The following ST3GAL1 variants were observed in gnomAD, a reference collection of about 807,000 sequenced individuals.
ST3GAL1 encodes the protein CMP-N-acetylneuraminate-beta-galactosamide-alpha-2,3-sialyltransferase 1.
Under a neutral mutation model 34.1 loss-of-function variants are expected in ST3GAL1, and 16 were observed. The observed-to-expected ratio is 0.47, with a 90% CI of 0.32 to 0.71. The LOEUF (loss-of-function observed/expected upper bound fraction) is 0.71, where lower values mean the gene tolerates loss of function less well. Among genes scored for constraint, ST3GAL1 ranks in the 30% least tolerant of loss-of-function variants. The pLI is 0.04. For missense variants in ST3GAL1, 353 were observed against 447.4 expected (o/e 0.79, Z 1.90); for synonymous variants, 191 against 184.7 (o/e 1.03, Z -0.28).
intron 2 of ST3GAL1, among the ~76,000 whole-genome samples, chr8:133,518,333 A>T (rs1817704295): frequency 6.6e-6 from 1 of 152,204 alleles, no homozygotes; most frequent in Non-Finnish European, 1.5e-5. Context: ...CCAATCAGCC[A>T]CCAGCCATGT....
In ST3GAL1 at chr8:133,502,437, A is replaced by AAG. The variant is rs202173264; in HGVS notation, c.-428-3249_-428-3248insCT. Among the ~76,000 whole-genome samples the AAG allele has an allele frequency of 3.3e-3, 505 of 151,914 alleles. 18 individuals are homozygous for AAG. Among genetic ancestry groups the AAG allele is most frequent in the Admixed American group, 0.031 (466 of 15,242 alleles). Reference sequence around the variant, plus strand: ...AATTGATGTCCTTATAAAAAAAAAAAAAAGAGGTGCCAGAAAGCACTCTCA... The same window carrying AAG: ...AATTGATGTCCTTATAAAAAAAAAAAAGAAAGAGGTGCCAGAAAGCACTCTCA... On this transcript the variant is annotated intron_variant, in intron 2 of 9. Transcript: ENST00000522652.
intron 1 of ST3GAL1, among the ~76,000 whole-genome samples, chr8:133,546,969 C>G (rs1818689013): frequency 6.6e-6 from 1 of 151,298 alleles, no homozygotes; most frequent in Non-Finnish European, 1.5e-5. Flanking sequence ...CACACCACTG[C>G]CCTCCAGCCT....
At chr8:133,495,224 A>C (rs1816908988) in intron 3 of ST3GAL1, among the ~76,000 whole-genome samples, 1 of 151,954 alleles carries the variant, frequency 6.6e-6, no homozygotes. Flanking sequence ...AGCCTCCTCT[A>C]TTCTTTTCCA....
At position 133,556,192 on chromosome 8, in the gene ST3GAL1, A is replaced by G. The variant is rs1029683255; in HGVS notation, c.-581-10266T>C. Among the ~76,000 whole-genome samples, 2 of 151,970 alleles carry G rather than the reference A, an allele frequency of 1.3e-5. No homozygotes were observed. ...ATTGCAGGCATGAGCCACCATGCCCAGCTTGTTTTTTCTTTTTGAATCTCC... is the reference window on the plus strand; with the variant it reads ...ATTGCAGGCATGAGCCACCATGCCCGGCTTGTTTTTTCTTTTTGAATCTCC... On this transcript the variant is annotated intron_variant, in intron 1 of 9. Transcript: ENST00000522652. The surrounding 1 kb of genome is among the most constrained non-coding windows in gnomAD (Gnocchi z 8.9).
At chr8:133,500,976 C>T (rs6995270) in intron 2 of ST3GAL1, among the ~76,000 whole-genome samples, 67,502 of 152,068 alleles carry the variant, frequency 0.44, 15,791 homozygotes, top group South Asian at 0.55. Flanking sequence ...ACCTGGTGCT[C>T]TCCTTCCTAA....
chr8:133,486,229 G>T (rs551442491), intron 3 of ST3GAL1, among the ~76,000 whole-genome samples: 1 of 152,196 alleles, frequency 6.6e-6, no homozygotes. Context: ...GGCTGAGGTC[G>T]GCCCCTGCCC....
intron 1 of ST3GAL1, among the ~76,000 whole-genome samples, chr8:133,562,171 C>G (rs1262043257): frequency 3.3e-5 from 5 of 151,216 alleles, no homozygotes; most frequent in African/African-American, 1.2e-4. Flanking sequence ...CCCATGTGAC[C>G]TTGGCCAGTA....
chr8:133,562,750 C>A (rs1298516232), intron 1 of ST3GAL1, among the ~76,000 whole-genome samples: 2 of 151,674 alleles, frequency 1.3e-5, no homozygotes, highest in Admixed American at 6.6e-5. Flanking sequence ...GGGCTCCAGT[C>A]GAGTCTTCTA....
rs954974384 is a variant in ST3GAL1, at chr8:133,469,287, C to T, written c.307-3197G>A. Among the ~76,000 whole-genome samples the T allele has an allele frequency of 6.6e-5, 10 of 152,122 alleles. No individual in the cohort carries two copies. The highest frequency in any genetic ancestry group is 2.1e-4 in the South Asian group (1 of 4,832). ...AGGCTGGAATGCAGTGGTGCGATCT[C>T]GGCTCACTGCAACCTCTACCTCCTG... On this transcript the variant is annotated intron_variant, in intron 5 of 9. Coordinates refer to ENST00000522652, the MANE Select transcript of ST3GAL1 (RefSeq NM_173344.3). The surrounding 1 kb of genome is among the most constrained non-coding windows in gnomAD (Gnocchi z 4.3).
At chr8:133,558,614 A>G (rs962694100) in intron 1 of ST3GAL1, among the ~76,000 whole-genome samples, 4 of 152,234 alleles carry the variant, frequency 2.6e-5, no homozygotes, top group Admixed American at 6.5e-5. Context: ...TCCTCCCGCA[A>G]GTAATGGTGA....
intron 2 of ST3GAL1, among the ~76,000 whole-genome samples, chr8:133,534,938 T>TC (rs1818265847): frequency 6.6e-6 from 1 of 152,080 alleles, no homozygotes; most frequent in Non-Finnish European, 1.5e-5. Context: ...CTCAAGGGGC[T>TC]CCCAGTGCAG....
chr8:133,536,473 A>G (rs1818314776), intron 2 of ST3GAL1, among the ~76,000 whole-genome samples: 1 of 152,196 alleles, frequency 6.6e-6, no homozygotes, highest in African/African-American at 2.4e-5. Flanking sequence ...CATCCTTCTG[A>G]TGGCCCCTCT....
At chr8:133,558,822 C>A (rs891443854) in intron 1 of ST3GAL1, among the ~76,000 whole-genome samples, 1 of 152,132 alleles carries the variant, frequency 6.6e-6, no homozygotes, top group African/African-American at 2.4e-5. Flanking sequence ...GCAGGTCTTC[C>A]AATAATGCTG....
At chr8:133,507,732 T>C (rs1817387763) in intron 2 of ST3GAL1, among the ~76,000 whole-genome samples, 1 of 152,224 alleles carries the variant, frequency 6.6e-6, no homozygotes, top group African/African-American at 2.4e-5. Flanking sequence ...CACTGGACTT[T>C]CCTTAGGTAG....
At chr8:133,566,373 A>T (rs921865287) in intron 1 of ST3GAL1, among the ~76,000 whole-genome samples, 2 of 152,142 alleles carry the variant, frequency 1.3e-5, no homozygotes, top group Non-Finnish European at 2.9e-5. Context: ...GCCTTCAGTC[A>T]ACTCCTCTGT....
At chr8:133,499,847 AC>A (rs1201440924) in intron 2 of ST3GAL1, among the ~76,000 whole-genome samples, 1 of 151,910 alleles carries the variant, frequency 6.6e-6, no homozygotes, top group African/African-American at 2.4e-5. Context: ...GTTCTCACCC[AC>A]CCCCATCCCC....
chr8:133,518,749 A>G (rs1387315607), intron 2 of ST3GAL1, among the ~76,000 whole-genome samples: 1 of 152,206 alleles, frequency 6.6e-6, no homozygotes, highest in Non-Finnish European at 1.5e-5. Context: ...TGCGCCAAAC[A>G]CTTTGAATAA....
intron 2 of ST3GAL1, among the ~76,000 whole-genome samples, chr8:133,521,519 A>G (rs2978006): frequency 0.62 from 93,979 of 152,072 alleles, 29,206 homozygotes; most frequent in South Asian, 0.67. Flanking sequence ...GGCTCGTCTC[A>G]AACTCCTGAC....
intron 1 of ST3GAL1, among the ~76,000 whole-genome samples, chr8:133,548,256 G>T (rs1247775159): frequency 6.6e-6 from 1 of 152,190 alleles, no homozygotes; most frequent in Non-Finnish European, 1.5e-5. Flanking sequence ...GCAGCAGCCA[G>T]GGGGATCCTT....
Sources: gnomAD v4.1 joint callset for allele counts (sites outside exome capture counted in the v4.1 genomes callset) on GRCh38, gnomAD v4.1.1 for gene constraint, Gnocchi (gnomAD v3.1) non-coding constraint, MANE v1.5 for transcripts, NCBI Gene and HGNC (gene_info 2026-07-23, HGNC 2026-07-21) for gene names.